The following CDH22 variants were observed in gnomAD, a reference collection of about 807,000 sequenced individuals.
CDH22 encodes the protein cadherin-22.
CDH22 carries 30 observed loss-of-function variants against 58.4 expected under a neutral mutation model. The ratio of observed to expected loss-of-function variants is 0.51; its 90% CI spans 0.38 to 0.70. CDH22 has a LOEUF of 0.70. CDH22 is among the 30% of genes least tolerant of loss of function. CDH22 has a pLI of 0.00. For missense variants in CDH22, 1,014 were observed against 1,233.9 expected, an observed-to-expected ratio of 0.82 and a Z score of 2.67; for synonymous variants, 513 against 558.2, an observed-to-expected ratio of 0.92 and a Z score of 1.14.
intron 1 of CDH22, among the ~76,000 whole-genome samples, chr20:46,276,822 A>G (rs1252362615): frequency 1.2e-5 from 1 of 82,172 alleles, no homozygotes; most frequent in Non-Finnish European, 2.8e-5. Flanking sequence ...AAGATGCCAG[A>G]TCCACAGAGT....
At chr20:46,233,130 G>C (rs1355391913) in intron 3 of CDH22, among the ~76,000 whole-genome samples, 3 of 152,178 alleles carry the variant, frequency 2.0e-5, no homozygotes, top group Admixed American at 6.5e-5. Flanking sequence ...GCAGGAAGAG[G>C]GGGCAGAGCA....
At chr20:46,198,737 T>C (rs2085929659) in intron 8 of CDH22, among the ~76,000 whole-genome samples, 1 of 152,226 alleles carries the variant, frequency 6.6e-6, no homozygotes. Flanking sequence ...CACTGGCCTC[T>C]TTGCTGTTCC....
chr20:46,185,352 T>C (rs971745238), intron 10 of CDH22, among the ~76,000 whole-genome samples: 51 of 152,060 alleles, frequency 3.4e-4, no homozygotes, highest in Non-Finnish European at 1.3e-4. Context: ...AATCTCACAG[T>C]GGACTCAGGC....
At chr20:46,271,630 T>C (rs539899188) in intron 1 of CDH22, among the ~76,000 whole-genome samples, 2 of 152,202 alleles carry the variant, frequency 1.3e-5, no homozygotes, top group African/African-American at 4.8e-5. Context: ...TTGACTGCCA[T>C]GTTGCTAAAT....
chr20:46,296,980 T>C (rs924340879), intron 1 of CDH22, among the ~76,000 whole-genome samples: 2 of 152,220 alleles, frequency 1.3e-5, no homozygotes, highest in South Asian at 2.1e-4. Context: ...AGCCCACCCA[T>C]GGTACTAGGC....
At chr20:46,181,598 C>CCCTT (rs1420809856) in intron 10 of CDH22, among the ~76,000 whole-genome samples, 181 of 147,768 alleles carry the variant, frequency 1.2e-3, no homozygotes, top group Middle Eastern at 7.0e-3. Context: ...TCCCTTCCTT[C>CCCTT]CCTTCCTTCC....
chr20:46,234,148 A>T (rs950244244), intron 3 of CDH22, among the ~76,000 whole-genome samples: 10 of 152,232 alleles, frequency 6.6e-5, no homozygotes, highest in African/African-American at 1.9e-4. Flanking sequence ...CTTGAGCCTC[A>T]GTTTCCATAG....
At chr20:46,307,817 A>G (rs1352057479) in intron 1 of CDH22, among the ~76,000 whole-genome samples, 1 of 151,838 alleles carries the variant, frequency 6.6e-6, no homozygotes, top group African/African-American at 2.4e-5. Flanking sequence ...GAGCCCCGCT[A>G]GCAGGGTTGG....
chr20:46,218,429 C>G (rs2086101013), intron 4 of CDH22, among the ~76,000 whole-genome samples: 1 of 152,244 alleles, frequency 6.6e-6, no homozygotes, highest in Non-Finnish European at 1.5e-5. Context: ...GGAGCAGCAG[C>G]TTGGCTGGTG....
In CDH22 at chr20:46,227,938, T is replaced by C. The variant is rs528525892; in HGVS notation, c.551-311A>G. ...TGAGTCTGTTTCCTCTTCAGCAAAG[T>C]GAGGCAAATCCTAGTGCTTGGTTCA... is the stretch of plus-strand genomic sequence containing the variant. On this transcript the variant is annotated intron_variant, in intron 3 of 11. Transcript: ENST00000537909. Among the ~76,000 whole-genome samples, 3 of 150,578 alleles carry C rather than the reference T, an allele frequency of 2.0e-5. No homozygotes were observed. The South Asian group carries it at 6.2e-4, about 31-fold the overall frequency.
At chr20:46,297,847 G>A (rs376042299) in intron 1 of CDH22, among the ~76,000 whole-genome samples, 2 of 151,934 alleles carry the variant, frequency 1.3e-5, no homozygotes, top group Non-Finnish European at 2.9e-5. Flanking sequence ...CACTACCCAG[G>A]TGCCCTACCT....
At chr20:46,254,554 C>CAAAAA (rs1257630029) in intron 1 of CDH22, among the ~76,000 whole-genome samples, 2 of 64,124 alleles carry the variant, frequency 3.1e-5, no homozygotes. Flanking sequence ...AATTCCATCT[C>CAAAAA]AAAAAAAAAA....
At position 46,216,960 on chromosome 20, in the gene CDH22, C is replaced by A; in HGVS notation, c.704G>T (p.Arg235Leu). The A allele has an allele frequency of 6.2e-7, 1 of 1,603,098 alleles. No individual in the cohort carries two copies. The highest frequency in any genetic ancestry group is 8.5e-7 in the Non-Finnish European group (1 of 1,171,662). ...CACCTCGTAGCGCTCCTGGCTCTCGCGGTCAAGGTCAGGCACAGCCGTCCG... is the reference window on the plus strand; with the variant it reads ...CACCTCGTAGCGCTCCTGGCTCTCGAGGTCAAGGTCAGGCACAGCCGTCCG... ...VIRTAVPDLD[R>L]ESQERYEVVI... is the part of the protein sequence containing the mutation. Residue 235 changes from arginine to leucine, a missense_variant, in exon 5 of 12, where the codon CGC (arginine) becomes CTC (leucine). Transcript: ENST00000537909. This position sits in a 1 kb window ranked among gnomAD's most constrained non-coding sequence, Gnocchi z 5.3.
At chr20:46,177,812 T>C in intron 11 of CDH22, 134 bp downstream of exon 11, 1 of 1,144,302 alleles carries the variant, frequency 8.7e-7, no homozygotes, top group Non-Finnish European at 1.2e-6. Flanking sequence ...TTGTTAGAGC[T>C]TGGAGATGGT....
At position 46,270,305 on chromosome 20, in the gene CDH22, G is replaced by C. The variant is rs189395749; in HGVS notation, c.-399-18612C>G. Among the ~76,000 whole-genome samples, 280 of 152,276 alleles carry C rather than the reference G, an allele frequency of 1.8e-3. 1 individual carries two copies. The highest frequency in any genetic ancestry group is 6.5e-3 in the African/African-American group (271 of 41,552). On this transcript the variant is annotated intron_variant, in intron 1 of 11. Coordinates refer to ENST00000537909, the MANE Select transcript of CDH22 (RefSeq NM_021248.3). ...TTTCTCACAGGTCCTACATCCCCAGGTAGGGCCTGCTGGGGCTGCAGGCTG... is the reference window on the plus strand; with the variant it reads ...TTTCTCACAGGTCCTACATCCCCAGCTAGGGCCTGCTGGGGCTGCAGGCTG...
chr20:46,210,406 G>T lies in CDH22; in HGVS notation c.1187C>A (p.Pro396Gln), dbSNP rs1164694296. The T allele has an allele frequency of 6.8e-7, 1 of 1,463,034 alleles. No individual in the cohort carries two copies. Among genetic ancestry groups the T allele is most frequent in the Non-Finnish European group, 9.0e-7 (1 of 1,107,872 alleles). The allele number at this position is 1,463,034 out of a possible 1,614,324, so 90.6% of individuals were successfully genotyped here. ...CTGCACCTCCAGGAGGCCGGAGGGC[G>T]GCCGGAACTCGGGGGGCTCGTCCAC... ...TDVDEPPEFRPPSGLLEVQED... is the reference protein window; with the variant it reads ...TDVDEPPEFRQPSGLLEVQED... The change falls in exon 7 of 12, where the codon CCG becomes CAG. Residue 396 changes from proline (P) to glutamine (Q), a missense_variant. Physicochemically the swap from Pro to Gln is moderately conservative, Grantham distance 76. Around this residue, in one of 2 missense-constraint regions of CDH22, gnomAD observed 806 missense variants for 1,038.7 expected, o/e 0.78. Transcript: ENST00000537909. This position sits in a 1 kb window ranked among gnomAD's most constrained non-coding sequence, Gnocchi z 4.5.
At chr20:46,271,078 A>G in intron 1 of CDH22, among the ~76,000 whole-genome samples, 1 of 152,248 alleles carries the variant, frequency 6.6e-6, no homozygotes, top group East Asian at 1.9e-4. Context: ...TGGAGCAGTC[A>G]TGAGAGTGGA....
Position 46,300,527 on chromosome 20 carries a change from C to G in CDH22, c.-400+7728G>C, listed in dbSNP as rs148435354. On this transcript the variant is annotated intron_variant, in intron 1 of 11. Transcript: ENST00000537909. The surrounding 1 kb of genome is among the most constrained non-coding windows in gnomAD (Gnocchi z 4.4). Reference sequence around the variant, plus strand: ...GCGTGCACACACACATACACACACACTCCACCTCCCCAGCTCCCCTCCCCT... The same window carrying G: ...GCGTGCACACACACATACACACACAGTCCACCTCCCCAGCTCCCCTCCCCT... Among the ~76,000 whole-genome samples, 1 of 152,304 alleles carries G rather than the reference C, an allele frequency of 6.6e-6. No homozygotes were observed. Among genetic ancestry groups the G allele is most frequent in the African/African-American group, 2.4e-5 (1 of 41,566 alleles).
In CDH22 at chr20:46,234,108, G is replaced by A. The variant is rs1033240315; in HGVS notation, c.551-6481C>T. On this transcript the variant is annotated intron_variant, in intron 3 of 11. Transcript: ENST00000537909. ...GCACCGAATTTAAGAATCAGATAGT[G>A]TGCTCTCCCAGTTTTACTTTCCTTC... Among the ~76,000 whole-genome samples, 6 of 152,170 alleles carry A rather than the reference G, an allele frequency of 3.9e-5. No homozygotes were observed. The South Asian group carries it at 1.2e-3, about 31-fold the overall frequency.
Sources: gnomAD v4.1 joint callset for allele counts (sites outside exome capture counted in the v4.1 genomes callset) on GRCh38, gnomAD v4.1.1 for gene constraint, gnomAD v4.1.1 regional missense constraint, Gnocchi (gnomAD v3.1) non-coding constraint, MANE v1.5 for transcripts, NCBI Gene and HGNC (gene_info 2026-07-23, HGNC 2026-07-21) for gene names.